The following SPIDR variants were observed in gnomAD, a reference collection of about 807,000 sequenced individuals.
SPIDR encodes the protein scaffold protein involved in DNA repair, also known as DNA repair-scaffolding protein.
A neutral mutation model predicts 104.6 loss-of-function variants in SPIDR; 93 were observed. That is an observed-to-expected ratio of 0.89 (90% CI 0.75 to 1.06). SPIDR has a LOEUF of 1.06. Among genes scored for constraint, SPIDR ranks in the 50% least tolerant of loss-of-function variants. The probability of loss-of-function intolerance (pLI) is 0.00; values close to 1 mark genes in which losing one functional copy is unlikely to be tolerated. For synonymous variants in SPIDR, 431 were observed against 416.9 expected (o/e 1.03, Z -0.41); for missense variants, 1,154 against 1,111.2 (o/e 1.04, Z -0.55).
At chr8:47,517,939 A>G (rs963835663) in intron 8 of SPIDR, among the ~76,000 whole-genome samples, 5 of 152,220 alleles carry the variant, frequency 3.3e-5, no homozygotes, top group African/African-American at 1.2e-4. Context: ...CCTATACATC[A>G]TAAGAGTTCT....
rs1293446697 is a variant in SPIDR, at chr8:47,481,148, G to C, written c.1097+40606G>C. ...TGTTGAATATATGTGAGGTGCTGCT[G>C]TCTTCTGACTGACTTCTTGGTCACT... On this transcript the variant is annotated intron_variant, in intron 8 of 19. Coordinates refer to ENST00000297423, the MANE Select transcript of SPIDR (RefSeq NM_001080394.4). Among the ~76,000 whole-genome samples, 3 of 152,314 alleles carry C rather than the reference G, an allele frequency of 2.0e-5. No homozygotes were observed. The East Asian group carries it at 5.8e-4, about 29-fold the overall frequency.
chr8:47,734,052 AC>A (rs1196832678), intron 19 of SPIDR, among the ~76,000 whole-genome samples: 1 of 152,102 alleles, frequency 6.6e-6, no homozygotes, highest in African/African-American at 2.4e-5. Flanking sequence ...TACAAAACAA[AC>A]CATCTCAAAA....
intron 8 of SPIDR, among the ~76,000 whole-genome samples, chr8:47,457,315 T>C (rs577891593): frequency 6.6e-6 from 1 of 152,306 alleles, no homozygotes; most frequent in South Asian, 2.1e-4. Flanking sequence ...GGAAGTAAGG[T>C]GGTACCGCAT....
intron 6 of SPIDR, among the ~76,000 whole-genome samples, chr8:47,401,151 T>C (rs1554662414): frequency 6.6e-6 from 1 of 152,182 alleles, no homozygotes; most frequent in Non-Finnish European, 1.5e-5. Flanking sequence ...GCAGACACTC[T>C]AGAAGCCAGA....
intron 7 of SPIDR, among the ~76,000 whole-genome samples, chr8:47,424,455 C>G (rs1199747057): frequency 6.6e-6 from 1 of 152,092 alleles, no homozygotes; most frequent in Admixed American, 6.6e-5. Flanking sequence ...CAGTCACATG[C>G]CACCACACCC....
intron 16 of SPIDR, among the ~76,000 whole-genome samples, chr8:47,723,204 G>A (rs1475188054): frequency 6.6e-6 from 1 of 152,024 alleles, no homozygotes; most frequent in Non-Finnish European, 1.5e-5. Flanking sequence ...GTTGGTTCTT[G>A]TTTTTTGTTC....
At chr8:47,520,597 C>G (rs1005156872) in intron 8 of SPIDR, among the ~76,000 whole-genome samples, 1 of 152,186 alleles carries the variant, frequency 6.6e-6, no homozygotes, top group African/African-American at 2.4e-5. Context: ...AAATTCTTAA[C>G]TTATTCCTTT....
intron 9 of SPIDR, 72 bp downstream of exon 9, chr8:47,596,078 G>A: frequency 1.5e-6 from 2 of 1,370,830 alleles, no homozygotes; most frequent in South Asian, 1.4e-5. Context: ...GGGCTTCAGT[G>A]TAAGTGAAGA....
At chr8:47,735,108 GT>G (rs2086023492) in intron 19 of SPIDR, among the ~76,000 whole-genome samples, 198 bp from the exon 20 acceptor site, 3 of 127,830 alleles carry the variant, frequency 2.3e-5, no homozygotes, top group Non-Finnish European at 4.8e-5. Flanking sequence ...GTGTGTGTGT[GT>G]GGGTGTGTGT....
chr8:47,515,338 G>A (rs184707678), intron 8 of SPIDR, among the ~76,000 whole-genome samples: 1 of 152,160 alleles, frequency 6.6e-6, no homozygotes, highest in African/African-American at 2.4e-5. Context: ...TTTTAAGTGT[G>A]TGTTCTCCAA....
chr8:47,369,730 G>C (rs2057730244), intron 5 of SPIDR, among the ~76,000 whole-genome samples: 1 of 152,202 alleles, frequency 6.6e-6, no homozygotes, highest in Non-Finnish European at 1.5e-5. Context: ...ATACTTTGTA[G>C]AAAGGACTTC....
Position 47,685,066 on chromosome 8 carries a change from G to T in SPIDR, c.1685+11125G>T, listed in dbSNP as rs561716392. Among the ~76,000 whole-genome samples the T allele has an allele frequency of 2.0e-5, 3 of 152,208 alleles. No homozygotes were observed. In the South Asian group the frequency reaches 6.2e-4, roughly 32 times the overall value. Reference sequence around the variant, plus strand: ...AAACCCTGTCTCTACTGAAAATATAGCCGGGCGTGGTGGCAGATGCCTGTA... The same window carrying T: ...AAACCCTGTCTCTACTGAAAATATATCCGGGCGTGGTGGCAGATGCCTGTA... On this transcript the variant is annotated intron_variant, in intron 11 of 19. Transcript: ENST00000297423.
chr8:47,695,109 C>T (rs903990008), intron 11 of SPIDR, among the ~76,000 whole-genome samples: 1 of 152,044 alleles, frequency 6.6e-6, no homozygotes, highest in Non-Finnish European at 1.5e-5. Flanking sequence ...CTCTAGAAAA[C>T]ACCACTGTAC....
At chr8:47,510,898 A>C in intron 8 of SPIDR, 1 of 491,210 alleles carries the variant, frequency 2.0e-6, no homozygotes, top group Non-Finnish European at 3.6e-6. Context: ...CCAACACCTA[A>C]GAACCTAGAG....
intron 8 of SPIDR, among the ~76,000 whole-genome samples, chr8:47,482,931 C>CT (rs1183519181): frequency 6.6e-6 from 1 of 152,008 alleles, no homozygotes; most frequent in Non-Finnish European, 1.5e-5. Flanking sequence ...AGAAGTGTTT[C>CT]TACTCCTTTC....
intron 5 of SPIDR, among the ~76,000 whole-genome samples, chr8:47,344,418 G>A (rs1377058853): frequency 1.3e-5 from 2 of 152,112 alleles, no homozygotes; most frequent in Non-Finnish European, 2.9e-5. Flanking sequence ...GAATAGTGCC[G>A]CAGTAAACAT....
Position 47,523,053 on chromosome 8 carries a change from T to C in SPIDR, c.1098-72758T>C, listed in dbSNP as rs2084410690. On this transcript the variant is annotated intron_variant, in intron 8 of 19. Transcript: ENST00000297423. Reference sequence around the variant, plus strand: ...TCTCACCCTGTCCCCCAGGCTGGAGTACAGTGTCACAATCTCAGCTCACTG... The same window carrying C: ...TCTCACCCTGTCCCCCAGGCTGGAGCACAGTGTCACAATCTCAGCTCACTG... Among the ~76,000 whole-genome samples the C allele has an allele frequency of 2.0e-5, 3 of 152,046 alleles. No homozygotes were observed. The South Asian group carries it at 6.2e-4, about 31-fold the overall frequency.
chr8:47,633,233 A>T (rs943914006), intron 10 of SPIDR, among the ~76,000 whole-genome samples: 2 of 152,208 alleles, frequency 1.3e-5, no homozygotes, highest in Non-Finnish European at 2.9e-5. Flanking sequence ...GAGTTAGGCA[A>T]ATTAATATTA....
At chr8:47,453,890 A>C (rs1473149499) in intron 8 of SPIDR, among the ~76,000 whole-genome samples, 4 of 152,216 alleles carry the variant, frequency 2.6e-5, no homozygotes, top group Non-Finnish European at 5.9e-5. Context: ...GCTCATTATC[A>C]CTAGCTATCA....
Sources: gnomAD v4.1 joint callset for allele counts (sites outside exome capture counted in the v4.1 genomes callset) on GRCh38, gnomAD v4.1.1 for gene constraint, MANE v1.5 for transcripts, NCBI Gene and HGNC (gene_info 2026-07-23, HGNC 2026-07-21) for gene names.